DENND1A: variants seen among roughly 807,000 people sequenced by gnomAD.
DENND1A encodes the protein DENN domain-containing protein 1A.
In DENND1A, 51 loss-of-function variants were observed where a neutral mutation model predicts 113.7. The ratio of observed to expected loss-of-function variants is 0.45; its 90% CI spans 0.36 to 0.57. The LOEUF (loss-of-function observed/expected upper bound fraction) is 0.57, where lower values mean the gene tolerates loss of function less well. DENND1A is among the 20% of genes least tolerant of loss of function. DENND1A has a pLI of 0.00. For synonymous variants in DENND1A, 565 were observed against 570.8 expected (o/e 0.99, Z 0.14); for missense variants, 1,258 against 1,395.9 (o/e 0.90, Z 1.57).
intron 5 of DENND1A, among the ~76,000 whole-genome samples, chr9:123,701,919 G>A (rs1020579626): frequency 2.2e-4 from 33 of 152,188 alleles, no homozygotes; most frequent in African/African-American, 7.5e-4. Context: ...ATGACTACAA[G>A]GATCAGGGAA....
intron 2 of DENND1A, among the ~76,000 whole-genome samples, chr9:123,872,364 A>G (rs997545181): frequency 1.3e-5 from 2 of 152,252 alleles, no homozygotes; most frequent in African/African-American, 2.4e-5. Flanking sequence ...AATGTAGAAC[A>G]TAAACATGAT....
chr9:123,842,476 AAAAG>A (rs1233574068), intron 2 of DENND1A, among the ~76,000 whole-genome samples: 5 of 152,194 alleles, frequency 3.3e-5, no homozygotes, highest in African/African-American at 1.2e-4. Context: ...GCAGAAAAAA[AAAAG>A]AGAGAGAGAG....
At chr9:123,401,650 G>A in intron 21 of DENND1A, 2 of 1,459,908 alleles carry the variant, frequency 1.4e-6, no homozygotes, top group Non-Finnish European at 1.8e-6. Flanking sequence ...AGAAAACAGG[G>A]CATATTAAAC....
At chr9:123,753,876 G>A (rs759224982) in intron 5 of DENND1A, among the ~76,000 whole-genome samples, 1 of 152,226 alleles carries the variant, frequency 6.6e-6, no homozygotes, top group Non-Finnish European at 1.5e-5. Context: ...ACTCTGCAGA[G>A]GTGCCTAGGC....
At chr9:123,432,300 G>A (rs1434862539) in intron 19 of DENND1A, among the ~76,000 whole-genome samples, 2 of 152,208 alleles carry the variant, frequency 1.3e-5, no homozygotes, top group Non-Finnish European at 2.9e-5. Context: ...GCTGTCTCTG[G>A]GCTAGCCTGG....
chr9:123,867,263 T>G (rs559771473), intron 2 of DENND1A, among the ~76,000 whole-genome samples: 15 of 152,074 alleles, frequency 9.9e-5, no homozygotes, highest in Admixed American at 2.0e-4. Flanking sequence ...TTAAAAAAAG[T>G]CTTCTAAGCA....
At chr9:123,416,618 T>A (rs1200038374) in intron 19 of DENND1A, among the ~76,000 whole-genome samples, 2 of 152,248 alleles carry the variant, frequency 1.3e-5, no homozygotes, top group Admixed American at 1.3e-4. Context: ...GGCGATCTTT[T>A]GCTAAGGAGA....
At chr9:123,882,074 T>A (rs1405832232) in intron 1 of DENND1A, among the ~76,000 whole-genome samples, 2 of 152,108 alleles carry the variant, frequency 1.3e-5, no homozygotes, top group Non-Finnish European at 2.9e-5. Context: ...TGTCCCTGTC[T>A]CCACTCATTG....
chr9:123,443,454 TC>T (rs535455504), intron 18 of DENND1A, among the ~76,000 whole-genome samples: 131 of 152,226 alleles, frequency 8.6e-4, no homozygotes, highest in Non-Finnish European at 1.4e-3. Context: ...GGGAAATGTG[TC>T]CAATACACAG....
At chr9:123,394,104 G>T (rs1385375141) in intron 21 of DENND1A, among the ~76,000 whole-genome samples, 1 of 151,992 alleles carries the variant, frequency 6.6e-6, no homozygotes, top group African/African-American at 2.4e-5. Context: ...CGATTCTCCT[G>T]CCTCAGCCTC....
chr9:123,467,437 C>G (rs911393300), intron 13 of DENND1A, among the ~76,000 whole-genome samples: 1 of 152,134 alleles, frequency 6.6e-6, no homozygotes, highest in Non-Finnish European at 1.5e-5. Flanking sequence ...GGGTGGCTCA[C>G]GAGGTCAAGA....
At chr9:123,446,449 A>G (rs746695411) in intron 18 of DENND1A, among the ~76,000 whole-genome samples, 1 of 152,136 alleles carries the variant, frequency 6.6e-6, no homozygotes, top group South Asian at 2.1e-4. Flanking sequence ...ACTCCCTTCA[A>G]TGGGAACAGT....
intron 12 of DENND1A, among the ~76,000 whole-genome samples, chr9:123,560,950 T>C (rs2136116979): frequency 6.6e-6 from 1 of 152,256 alleles, no homozygotes; most frequent in East Asian, 1.9e-4. Context: ...TGCCATGGAC[T>C]TCCACCTACA....
intron 2 of DENND1A, among the ~76,000 whole-genome samples, chr9:123,851,211 C>A (rs1843299323): frequency 6.6e-6 from 1 of 152,186 alleles, no homozygotes; most frequent in Admixed American, 6.5e-5. Flanking sequence ...CCTAGGGAAC[C>A]ACTGGTGTGC....
Position 123,443,287 on chromosome 9 carries a change from G to A in DENND1A, c.1357-2796C>T, listed in dbSNP as rs1588554033. On this transcript the variant is annotated intron_variant, in intron 18 of 23. Coordinates refer to ENST00000394215, the MANE Select transcript of DENND1A (RefSeq NM_001352964.2). ...TGTAATCTTCTCCTCGGAAGCTCCT[G>A]GCTACACTGATCATAGGCTGCCATG... Among the ~76,000 whole-genome samples the A allele has an allele frequency of 2.0e-5, 3 of 152,194 alleles. No individual in the cohort carries two copies. The South Asian group carries it at 6.2e-4, about 31-fold the overall frequency.
At chr9:123,523,709 C>T (rs996216373) in intron 13 of DENND1A, among the ~76,000 whole-genome samples, 7 of 152,188 alleles carry the variant, frequency 4.6e-5, no homozygotes, top group African/African-American at 1.2e-4. Flanking sequence ...AAGGGCTCTG[C>T]TCCTCCATCT....
At chr9:123,880,794 A>G (rs1848206887) in intron 1 of DENND1A, among the ~76,000 whole-genome samples, 1 of 152,144 alleles carries the variant, frequency 6.6e-6, no homozygotes, top group Non-Finnish European at 1.5e-5. Context: ...ATTTCACTCG[A>G]TTCTAGAATG....
In DENND1A at chr9:123,782,873, C is replaced by G. The variant is rs78282207; in HGVS notation, c.132+9714G>C. ...CTACCTACCAACCCCCAGCTCCCCC[C>G]GCTCACATACACATACATACATATA... On this transcript the variant is annotated intron_variant, in intron 3 of 23. Transcript: ENST00000394215. Among the ~76,000 whole-genome samples, 53 of 151,700 alleles carry G rather than the reference C, an allele frequency of 3.5e-4. No homozygotes were observed. The East Asian group carries it at 6.6e-3, about 19-fold the overall frequency.
intron 1 of DENND1A, among the ~76,000 whole-genome samples, chr9:123,902,643 T>C (rs1851866993): frequency 6.6e-6 from 1 of 151,846 alleles, no homozygotes. Context: ...GAGAAAAGCA[T>C]CATCATCTCT....
Sources: gnomAD v4.1 joint callset for allele counts (sites outside exome capture counted in the v4.1 genomes callset) on GRCh38, gnomAD v4.1.1 for gene constraint, MANE v1.5 for transcripts, NCBI Gene and HGNC (gene_info 2026-07-23, HGNC 2026-07-21) for gene names.